Variants in PKP4 observed in about 807,000 individuals in gnomAD.
The protein encoded by PKP4 is plakophilin 4.
In PKP4, 90 loss-of-function variants were observed where a neutral mutation model predicts 145.1. The observed-to-expected ratio is 0.62, with a 90% CI of 0.52 to 0.74. The LOEUF is 0.74. Ranked by LOEUF, PKP4 falls within the 30% of genes least tolerant of loss-of-function variation. The pLI is 0.00. For synonymous variants in PKP4, 563 were observed against 577.2 expected (o/e 0.98, Z 0.35); for missense variants, 1,340 against 1,482.7 (o/e 0.90, Z 1.58).
Position 158,634,234 on chromosome 2 carries a change from G to C in PKP4, c.1507G>C (p.Ala503Pro), listed in dbSNP as rs1409994195. 5 of 1,614,068 alleles carry C rather than the reference G, an allele frequency of 3.1e-6. 1 individual carries two copies. The South Asian group carries it at 5.5e-5, about 18-fold the overall frequency. ...TAACAGGCTTCAGCATGCAGTGCCG[G>C]CTGATGATGGCACCACAAGATCCCC... ...NYNRLQHAVPADDGTTRSPSI... is the reference protein window; with the variant it reads ...NYNRLQHAVPPDDGTTRSPSI... Residue 503 changes from alanine (A) to proline (P), a missense_variant, in exon 9 of 22, where the codon GCT becomes CCT. Physicochemically the swap from Ala to Pro is conservative, Grantham distance 27. Transcript: ENST00000389759.
chr2:158,493,002 T>C (rs1408339815), intron 1 of PKP4, among the ~76,000 whole-genome samples: 1 of 152,138 alleles, frequency 6.6e-6, no homozygotes, highest in East Asian at 1.9e-4. Flanking sequence ...TTTTTTATTT[T>C]AAATTAAAAT....
chr2:158,611,704 A>G (rs1056040144), intron 4 of PKP4, among the ~76,000 whole-genome samples: 1 of 152,220 alleles, frequency 6.6e-6, no homozygotes, highest in African/African-American at 2.4e-5. Context: ...ACAAAATATT[A>G]GATCAGCAAT....
At chr2:158,583,724 T>G (rs1420132815) in intron 3 of PKP4, among the ~76,000 whole-genome samples, 1 of 152,196 alleles carries the variant, frequency 6.6e-6, no homozygotes, top group African/African-American at 2.4e-5. Flanking sequence ...TAAAAAAATT[T>G]ATTTTTTAAT....
At chr2:158,522,829 G>A (rs1445487431) in intron 1 of PKP4, among the ~76,000 whole-genome samples, 1 of 152,228 alleles carries the variant, frequency 6.6e-6, no homozygotes, top group East Asian at 1.9e-4. Flanking sequence ...GAAGCGCAAG[G>A]GGTCAGGGAG....
chr2:158,500,258 G>T (rs1696352574), intron 1 of PKP4, among the ~76,000 whole-genome samples: 1 of 152,194 alleles, frequency 6.6e-6, no homozygotes, highest in South Asian at 2.1e-4. Context: ...GAGGGCCCCA[G>T]TGTTTCTGTA....
chr2:158,477,126 C>T (rs1692603213), intron 1 of PKP4, among the ~76,000 whole-genome samples: 1 of 151,980 alleles, frequency 6.6e-6, no homozygotes, highest in South Asian at 2.1e-4. Flanking sequence ...GAAGTTAAGC[C>T]ACAGATATGA....
intron 4 of PKP4, among the ~76,000 whole-genome samples, chr2:158,619,959 C>G (rs2052041286): frequency 1.3e-5 from 2 of 151,952 alleles, no homozygotes; most frequent in South Asian, 4.2e-4. Flanking sequence ...ACACACACCC[C>G]TTACCTTCTC....
At chr2:158,473,697 G>T (rs985032328) in intron 1 of PKP4, among the ~76,000 whole-genome samples, 2 of 151,886 alleles carry the variant, frequency 1.3e-5, no homozygotes, top group African/African-American at 4.8e-5. Flanking sequence ...AGGTAACTCT[G>T]GGGTATTGGA....
intron 2 of PKP4, among the ~76,000 whole-genome samples, chr2:158,546,056 G>T (rs970877169): frequency 1.3e-5 from 2 of 152,124 alleles, no homozygotes; most frequent in South Asian, 2.1e-4. Context: ...TTTGGATACT[G>T]CCCATTAAAT....
At chr2:158,678,716 C>T (rs895305464) in intron 21 of PKP4, 62 bp downstream of exon 21, 66 of 1,038,434 alleles carry the variant, frequency 6.4e-5, no homozygotes, top group African/African-American at 1.4e-4. Context: ...AAGGGGTCCA[C>T]GTCGATTGAC....
Position 158,673,272 on chromosome 2 carries a change from G to C in PKP4, c.2925-405G>C, listed in dbSNP as rs2057721467. Among the ~76,000 whole-genome samples, 4 of 152,162 alleles carry C rather than the reference G, an allele frequency of 2.6e-5. No individual in the cohort carries two copies. In the South Asian group the frequency reaches 8.3e-4, roughly 32 times the overall value. The stretch of plus-strand genomic sequence containing the variant: ...GATGAAGGCTTAATAAAGAAGGAGG[G>C]ATAAAACATACTCACTTGGGAGGGT... On this transcript the variant is annotated intron_variant, in intron 17 of 21. Coordinates refer to ENST00000389759, the MANE Select transcript of PKP4 (RefSeq NM_003628.6).
rs531657603 is a variant in PKP4, at chr2:158,534,942, T to C, written c.132+1626T>C. 9.8e-5 allele frequency among the ~76,000 whole-genome samples: 15 copies of C among 152,316 alleles called. No homozygotes were observed. In the East Asian group the frequency reaches 2.9e-3, roughly 29 times the overall value. On this transcript the variant is annotated intron_variant, in intron 2 of 21. Coordinates refer to ENST00000389759, the MANE Select transcript of PKP4 (RefSeq NM_003628.6). ...TAAAACAGTTATTATATATAATTGTTTAGTTTAGTGGGATGCTATACTCTA... is the reference window on the plus strand; with the variant it reads ...TAAAACAGTTATTATATATAATTGTCTAGTTTAGTGGGATGCTATACTCTA...
chr2:158,485,676 A>T (rs934000662), intron 1 of PKP4, among the ~76,000 whole-genome samples: 1 of 152,208 alleles, frequency 6.6e-6, no homozygotes, highest in Non-Finnish European at 1.5e-5. Context: ...AAAACATTTA[A>T]CCCTTTAGTT....
At chr2:158,608,063 G>T (rs1485425358) in intron 4 of PKP4, among the ~76,000 whole-genome samples, 3 of 152,172 alleles carry the variant, frequency 2.0e-5, no homozygotes, top group Non-Finnish European at 2.9e-5. Context: ...ATGATTAGAT[G>T]ATTTATAACG....
chr2:158,474,184 T>C (rs1291810885), intron 1 of PKP4, among the ~76,000 whole-genome samples: 2 of 152,228 alleles, frequency 1.3e-5, no homozygotes, highest in African/African-American at 4.8e-5. Flanking sequence ...ACACGTTTGC[T>C]GCCCCTAGAG....
At chr2:158,558,511 G>C (rs1390131577) in intron 2 of PKP4, among the ~76,000 whole-genome samples, 1 of 152,150 alleles carries the variant, frequency 6.6e-6, no homozygotes, top group Non-Finnish European at 1.5e-5. Context: ...AAAGGTCAGG[G>C]TAGATAGATG....
chr2:158,546,683 GC>G (rs1184074969), intron 2 of PKP4, among the ~76,000 whole-genome samples: 3 of 152,154 alleles, frequency 2.0e-5, no homozygotes, highest in Non-Finnish European at 4.4e-5. Context: ...TAGAAAAACA[GC>G]ATGGGATCTT....
Position 158,621,118 on chromosome 2 carries a change from G to A in PKP4, c.409G>A (p.Glu137Lys). 6.2e-7 allele frequency: 1 copy of A among 1,614,182 alleles called. No individual in the cohort carries two copies. The highest frequency in any genetic ancestry group is 1.1e-5 in the South Asian group (1 of 91,084). Reference sequence around the variant, plus strand: ...AGAACAGACATCTCTCCATGAAAGTGAGGGTCTGTTGTGTTATCTTTTAAG... The same window carrying A: ...AGAACAGACATCTCTCCATGAAAGTAAGGGTCTGTTGTGTTATCTTTTAAG... The part of the protein sequence containing the change: ...SPEQTSLHES[E>K]GSLGNSRSST... The change falls in exon 5 of 22, where the codon GAG (glutamate) becomes AAG (lysine). Residue 137 changes from glutamate to lysine, a missense_variant. Glu to Lys is a moderately conservative substitution (Grantham distance 56). Transcript: ENST00000389759.
At position 158,663,334 on chromosome 2, in the gene PKP4, G is replaced by A; in HGVS notation, c.2466G>A (p.Trp822Ter). 6.2e-7 allele frequency: 1 copy of A among 1,614,106 alleles called. No individual in the cohort carries two copies. The highest frequency in any genetic ancestry group is 8.5e-7 in the Non-Finnish European group (1 of 1,179,972). Residue 822 changes from tryptophan (W) to a stop codon, truncating the protein, a stop_gained, in exon 15 of 22, where the codon TGG becomes TGA. Coordinates refer to ENST00000389759, the MANE Select transcript of PKP4 (RefSeq NM_003628.6). LOFTEE classifies it high-confidence loss of function. ...CCCCCAAAGGGGTTGAGATGCTGTG[G>A]CACCCATCGGTGGTAAAACCATATC... Reference protein sequence around the residue: ...SKSPKGVEMLWHPSVVKPYLT... With the variant: ...SKSPKGVEML
Sources: allele counts gnomAD v4.1 joint callset (sites outside exome capture counted in the v4.1 genomes callset), GRCh38; gene constraint gnomAD v4.1.1; transcripts MANE v1.5; gene names NCBI Gene and HGNC (gene_info 2026-07-23, HGNC 2026-07-21).